Variants in ATG4C observed in about 807,000 individuals in gnomAD.
The protein encoded by ATG4C is autophagy related 4C cysteine peptidase, also known as cysteine protease ATG4C.
In ATG4C, 56 loss-of-function variants were observed where a neutral mutation model predicts 57.6. That is an observed-to-expected ratio of 0.97 (90% confidence interval 0.78 to 1.21). The LOEUF (loss-of-function observed/expected upper bound fraction) is 1.21, where lower values mean the gene tolerates loss of function less well. Ranked by LOEUF, ATG4C falls within the 50% of genes most tolerant of loss-of-function variation. The pLI, the probability that ATG4C is intolerant of heterozygous loss-of-function variation, is 0.00. For missense variants in ATG4C, 595 were observed against 529.8 expected (o/e 1.12, Z -1.21); for synonymous variants, 157 against 174.1 (o/e 0.90, Z 0.78).
chr1:62,804,177 C>T (rs924698852), intron 2 of ATG4C, among the ~76,000 whole-genome samples: 1 of 151,544 alleles, frequency 6.6e-6, no homozygotes, highest in Admixed American at 6.6e-5. Flanking sequence ...ACCTCTGCCT[C>T]CCAGGTTCAA....
At chr1:62,842,546 C>G (rs1666205004) in intron 10 of ATG4C, among the ~76,000 whole-genome samples, 1 of 152,038 alleles carries the variant, frequency 6.6e-6, no homozygotes, top group Non-Finnish European at 1.5e-5. Flanking sequence ...GAATTCTTCA[C>G]TGGAACTTAT....
chr1:62,829,073 C>G lies in ATG4C; in HGVS notation c.830C>G (p.Ala277Gly), dbSNP rs1236331693. ...YNSDVIDKQS[A>G]SMTSDNADDK... ...TCTGATGTAATTGATAAACAGAGTG[C>G]TTCCATGACTTCTGATAATGCAGAT... Residue 277 changes from alanine to glycine, a missense_variant, in exon 7 of 11, where the codon GCT becomes GGT. Transcript: ENST00000317868. 6.2e-7 allele frequency: 1 copy of G among 1,612,200 alleles called. No individual in the cohort carries two copies. The highest frequency in any genetic ancestry group is 2.2e-5 in the East Asian group (1 of 44,778).
In ATG4C at chr1:62,819,192, A is replaced by C. The variant is rs762009826; in HGVS notation, c.582A>C (p.Glu194Asp). Reference sequence around the variant, plus strand: ...CTGATGATCATGAAATGCGAAATGAAGTTTATCATAGGAAAATCATCTCTT... The same window carrying C: ...CTGATGATCATGAAATGCGAAATGACGTTTATCATAGGAAAATCATCTCTT... ...KYSDDHEMRNEVYHRKIISWF... is the reference protein window; with the variant it reads ...KYSDDHEMRNDVYHRKIISWF... Residue 194 changes from glutamate to aspartate, a missense_variant, in exon 5 of 11, where the codon GAA becomes GAC. Coordinates refer to ENST00000317868, the MANE Select transcript of ATG4C (RefSeq NM_032852.4). 8.7e-6 allele frequency: 14 copies of C among 1,613,642 alleles called. No individual in the cohort carries two copies. The highest frequency in any genetic ancestry group is 1.2e-5 in the Non-Finnish European group (14 of 1,179,740).
chr1:62,811,827 A>G (rs1253377628), intron 3 of ATG4C, among the ~76,000 whole-genome samples: 1 of 152,186 alleles, frequency 6.6e-6, no homozygotes, highest in Non-Finnish European at 1.5e-5. Flanking sequence ...GTTCTTGGAA[A>G]CTGCAACTTT....
At chr1:62,840,933 A>G (rs1237467182) in intron 9 of ATG4C, among the ~76,000 whole-genome samples, 1 of 152,246 alleles carries the variant, frequency 6.6e-6, no homozygotes, top group African/African-American at 2.4e-5. Context: ...GTGAATTGCT[A>G]AAACCCTCAA....
chr1:62,858,976 C>T (rs1666768071), intron 10 of ATG4C, among the ~76,000 whole-genome samples: 1 of 152,126 alleles, frequency 6.6e-6, no homozygotes, highest in Non-Finnish European at 1.5e-5. Context: ...GGGATACATT[C>T]TGATAAATGT....
intron 1 of ATG4C, among the ~76,000 whole-genome samples, chr1:62,785,540 T>A (rs534562348): frequency 1.3e-5 from 2 of 152,248 alleles, no homozygotes; most frequent in African/African-American, 4.8e-5. Context: ...TATTTCTAGA[T>A]GTTTTGATGG....
At chr1:62,789,811 C>A (rs1168334945) in intron 1 of ATG4C, among the ~76,000 whole-genome samples, 1 of 151,630 alleles carries the variant, frequency 6.6e-6, no homozygotes, top group African/African-American at 2.4e-5. Flanking sequence ...AGCGAGACTC[C>A]GTCTCAAAAA....
chr1:62,860,228 CAG>C (rs1666810097), intron 10 of ATG4C, among the ~76,000 whole-genome samples: 2 of 152,198 alleles, frequency 1.3e-5, no homozygotes, highest in Admixed American at 1.3e-4. Flanking sequence ...CCTATGATAA[CAG>C]TGCCTTCTTC....
intron 10 of ATG4C, among the ~76,000 whole-genome samples, chr1:62,847,788 C>T (rs746493578): frequency 6.6e-6 from 1 of 152,098 alleles, no homozygotes; most frequent in South Asian, 2.1e-4. Context: ...AAATGGTCAA[C>T]TGTGGAAATC....
At chr1:62,860,947 G>A (rs1375965462) in intron 10 of ATG4C, among the ~76,000 whole-genome samples, 1 of 152,120 alleles carries the variant, frequency 6.6e-6, no homozygotes, top group African/African-American at 2.4e-5. Context: ...CTTAACTTCT[G>A]TCCTCCAGCT....
At chr1:62,847,237 G>T (rs902425711) in intron 10 of ATG4C, among the ~76,000 whole-genome samples, 2 of 127,928 alleles carry the variant, frequency 1.6e-5, no homozygotes, top group Non-Finnish European at 3.4e-5. Flanking sequence ...ATAAAAAACA[G>T]AAACCATAAG....
chr1:62,821,118 T>G, intron 5 of ATG4C, 21 bp from the exon 6 acceptor site: 1 of 1,566,002 alleles, frequency 6.4e-7, no homozygotes, highest in Non-Finnish European at 8.7e-7. Flanking sequence ...TTTTGAAAGA[T>G]AATGCTTGTT....
intron 1 of ATG4C, among the ~76,000 whole-genome samples, chr1:62,795,417 C>A (rs1664428570): frequency 6.6e-6 from 1 of 152,146 alleles, no homozygotes; most frequent in Non-Finnish European, 1.5e-5. Flanking sequence ...GCTCTGCTCT[C>A]CAAAAGAATT....
chr1:62,787,463 A>G (rs1664130549), intron 1 of ATG4C, among the ~76,000 whole-genome samples: 1 of 152,362 alleles, frequency 6.6e-6, no homozygotes, highest in South Asian at 2.1e-4. Flanking sequence ...CATTTGGTAC[A>G]TACATAAATA....
chr1:62,824,403 A>G (rs968340646), intron 6 of ATG4C, among the ~76,000 whole-genome samples: 1 of 152,162 alleles, frequency 6.6e-6, no homozygotes, highest in Non-Finnish European at 1.5e-5. Flanking sequence ...AGCTCAGTCT[A>G]AATTTGGAAT....
intron 6 of ATG4C, among the ~76,000 whole-genome samples, chr1:62,828,818 T>A (rs1460277076): frequency 2.6e-5 from 4 of 152,130 alleles, no homozygotes; most frequent in Non-Finnish European, 5.9e-5. Flanking sequence ...CATCTTGAGT[T>A]GATTTTTATA....
At chr1:62,812,574 C>G (rs1665123468) in intron 3 of ATG4C, among the ~76,000 whole-genome samples, 1 of 152,054 alleles carries the variant, frequency 6.6e-6, no homozygotes, top group African/African-American at 2.4e-5. Flanking sequence ...ACAAGGATGC[C>G]CTATCTCACC....
intron 1 of ATG4C, 45 bp downstream of exon 1, chr1:62,784,318 T>C (rs919127499): frequency 6.6e-6 from 1 of 152,426 alleles, no homozygotes; most frequent in Non-Finnish European, 1.5e-5. Flanking sequence ...AGTTTGGGAC[T>C]TAGCGTCTCT....
Sources: allele counts gnomAD v4.1 joint callset (sites outside exome capture counted in the v4.1 genomes callset), GRCh38; gene constraint gnomAD v4.1.1; transcripts MANE v1.5; gene names NCBI Gene and HGNC (gene_info 2026-07-23, HGNC 2026-07-21).